Variants in SP140 observed in about 807,000 individuals in gnomAD.
SP140 encodes SP140 nuclear body protein.
Under a neutral mutation model 125.0 loss-of-function variants are expected in SP140, and 81 were observed. The observed-to-expected ratio is 0.65, with a 90% CI of 0.54 to 0.78. SP140 has a LOEUF of 0.78. Among genes scored for constraint, SP140 ranks in the 30% least tolerant of loss-of-function variants. SP140 has a pLI of 0.00. For missense variants in SP140, 858 were observed against 1,037.0 expected (o/e 0.83, Z 2.37); for synonymous variants, 312 against 354.0 (o/e 0.88, Z 1.33).
chr2:230,316,142 C>A (rs73108314), downstream of SP140, among the ~76,000 whole-genome samples: 5,322 of 152,230 alleles, frequency 0.035, 311 homozygotes, highest in African/African-American at 0.12. Flanking sequence ...GGATTGATGA[C>A]AGTATGTTCA....
At chr2:230,240,879 A>C (rs1199276719) in intron 3 of SP140, among the ~76,000 whole-genome samples, 1 of 152,216 alleles carries the variant, frequency 6.6e-6, no homozygotes, top group East Asian at 1.9e-4. Flanking sequence ...CTTATTCATA[A>C]TAACTAAAAT....
At chr2:230,283,404 AT>A (rs1223083269) in intron 15 of SP140, among the ~76,000 whole-genome samples, 1 of 152,170 alleles carries the variant, frequency 6.6e-6, no homozygotes, top group Admixed American at 6.5e-5. Context: ...GAGGAAAAGC[AT>A]TTTATAAAAT....
chr2:230,217,692 G>C (rs891586708), intron 3 of SP140, among the ~76,000 whole-genome samples: 2 of 152,172 alleles, frequency 1.3e-5, no homozygotes, highest in African/African-American at 4.8e-5. Flanking sequence ...ACTAGAGAGT[G>C]GAAGAGCTGG....
intron 7 of SP140, among the ~76,000 whole-genome samples, 157 bp downstream of exon 7, chr2:230,246,097 C>T (rs2049409262): frequency 1.3e-5 from 2 of 152,094 alleles, no homozygotes; most frequent in Non-Finnish European, 2.9e-5. Flanking sequence ...ATCCATCCAT[C>T]TGTATATTCA....
At chr2:230,245,130 C>T in intron 6 of SP140, 50 bp downstream of exon 6, 2 of 1,203,380 alleles carry the variant, frequency 1.7e-6, no homozygotes, top group Non-Finnish European at 2.5e-6. Flanking sequence ...GTTGGCCTAT[C>T]TCTATGCAAC....
Position 230,292,783 on chromosome 2 carries a change from A to C in SP140, c.1963A>C (p.Met655Leu). 2 of 1,614,058 alleles carry C rather than the reference A, an allele frequency of 1.2e-6. No homozygotes were observed. Among genetic ancestry groups the C allele is most frequent in the Non-Finnish European group, 8.5e-7 (1 of 1,180,000 alleles). Residue 655 changes from methionine (M) to leucine (L), a missense_variant, in exon 20 of 27, where the codon ATG becomes CTG. Around this residue, in one of 4 missense-constraint regions of SP140, gnomAD observed 791 missense variants for 869.5 expected, o/e 0.91. Coordinates refer to ENST00000392045, the MANE Select transcript of SP140 (RefSeq NM_007237.5). ...TGGCGGGTGGCCCCTACGATGGCTG[A>C]TGGAGGTATTCCAATGACAAGGGGC... Reference protein sequence around the residue: ...RCGGWPLRWLMENGFLPDPPR... With the variant: ...RCGGWPLRWLLENGFLPDPPR...
intron 22 of SP140, among the ~76,000 whole-genome samples, chr2:230,305,413 C>T (rs150109465): frequency 1.3e-5 from 2 of 152,252 alleles, no homozygotes; most frequent in African/African-American, 4.8e-5. Context: ...ACGGCAGCGG[C>T]AGGCAGTCTG....
chr2:230,272,795 C>G (rs1252793928), intron 15 of SP140, among the ~76,000 whole-genome samples: 1 of 152,170 alleles, frequency 6.6e-6, no homozygotes, highest in African/African-American at 2.4e-5. Flanking sequence ...GACCAAACAC[C>G]TACAACTAAC....
chr2:230,303,294 A>T (rs561232316), intron 22 of SP140, among the ~76,000 whole-genome samples: 9 of 152,330 alleles, frequency 5.9e-5, no homozygotes, highest in Admixed American at 4.6e-4. Flanking sequence ...ATGCACACAA[A>T]CTAGAAAACC....
intron 22 of SP140, among the ~76,000 whole-genome samples, chr2:230,304,657 G>T (rs1370510372): frequency 6.6e-6 from 1 of 152,166 alleles, no homozygotes; most frequent in Non-Finnish European, 1.5e-5. Flanking sequence ...CATAAAGGGG[G>T]AAAGGACACC....
intron 19 of SP140, 65 bp from the exon 20 acceptor site, chr2:230,292,581 G>A (rs762652683): frequency 1.4e-4 from 232 of 1,600,642 alleles, no homozygotes; most frequent in African/African-American, 5.4e-5. Context: ...CCAGTGTGGT[G>A]AGTGGCCATA....
rs768438827 is a variant in SP140 at position 230,253,290 on chromosome 2, C to G, written c.1058-26C>G. On this transcript the variant is annotated intron_variant, in intron 10 of 26. Transcript: ENST00000392045. ...GGCGTGAATGCACTGAGGTCTGTGTCCAAGTCACCCTCTGTGGTCTGTCAG... is the reference window on the plus strand; with the variant it reads ...GGCGTGAATGCACTGAGGTCTGTGTGCAAGTCACCCTCTGTGGTCTGTCAG... The G allele has an allele frequency of 2.4e-5, 37 of 1,531,382 alleles. 1 individual carries two copies. The South Asian group carries it at 4.1e-4, about 17-fold the overall frequency. 94.9% of individuals were successfully genotyped at this position (1,531,382 alleles called of 1,614,324 possible). A position where few individuals can be genotyped will look rare whatever the true frequency, so the allele number is the denominator to read the frequency against.
intron 22 of SP140, among the ~76,000 whole-genome samples, chr2:230,303,233 C>A (rs1329093651): frequency 1.3e-5 from 2 of 152,088 alleles, no homozygotes; most frequent in African/African-American, 4.8e-5. Context: ...GATATTACAA[C>A]CAACACCACA....
chr2:230,232,003 C>T (rs1355089303), intron 1 of SP140, among the ~76,000 whole-genome samples: 4 of 152,074 alleles, frequency 2.6e-5, no homozygotes, highest in Non-Finnish European at 2.9e-5. Context: ...GCCACCGTGC[C>T]CAGCCTCACC....
intron 18 of SP140, among the ~76,000 whole-genome samples, chr2:230,289,798 G>A (rs775715711): frequency 3.3e-5 from 5 of 152,134 alleles, no homozygotes; most frequent in Non-Finnish European, 7.3e-5. Context: ...TGGAAGGGAA[G>A]GATTCACTGC....
At chr2:230,256,322 A>C (rs1575050278) in intron 12 of SP140, among the ~76,000 whole-genome samples, 1 of 152,218 alleles carries the variant, frequency 6.6e-6, no homozygotes, top group East Asian at 1.9e-4. Flanking sequence ...GCACATATAC[A>C]CCATGGAATA....
At chr2:230,254,205 C>T (rs999759678) in intron 11 of SP140, among the ~76,000 whole-genome samples, 4 of 152,062 alleles carry the variant, frequency 2.6e-5, no homozygotes, top group Non-Finnish European at 5.9e-5. Flanking sequence ...AATTAAAGTA[C>T]CCATGAAGAG....
chr2:230,223,894 C>A (rs996166500), upstream of SP140, among the ~76,000 whole-genome samples: 30 of 152,160 alleles, frequency 2.0e-4, no homozygotes, highest in African/African-American at 7.2e-4. Flanking sequence ...TGGCCTAAAT[C>A]TGGATGGGGG....
chr2:230,238,545 T>A, intron 3 of SP140, 164 bp downstream of exon 3: 2 of 783,538 alleles, frequency 2.6e-6, no homozygotes, highest in Non-Finnish European at 4.0e-6. Flanking sequence ...CCCATGTCCT[T>A]ATGGAGTTTA....
Sources: allele counts gnomAD v4.1 joint callset (sites outside exome capture counted in the v4.1 genomes callset), GRCh38; gene constraint gnomAD v4.1.1; regional missense constraint gnomAD v4.1.1; transcripts MANE v1.5; gene names NCBI Gene and HGNC (gene_info 2026-07-23, HGNC 2026-07-21).